The following NRCAM variants were observed in gnomAD, a reference collection of about 807,000 sequenced individuals.
The protein encoded by NRCAM is NgCAM-related cell adhesion molecule.
NRCAM carries 83 observed loss-of-function variants against 156.5 expected under a neutral mutation model. The ratio of observed to expected loss-of-function variants is 0.53; its 90% CI spans 0.44 to 0.64. NRCAM has a LOEUF of 0.64. Among genes scored for constraint, NRCAM ranks in the 30% least tolerant of loss-of-function variants. The pLI, the probability that NRCAM is intolerant of heterozygous loss-of-function variation, is 0.00. For missense variants in NRCAM, 1,417 were observed against 1,597.3 expected (o/e 0.89, Z 1.92); for synonymous variants, 538 against 563.9 (o/e 0.95, Z 0.65).
chr7:108,327,346 A>T (rs1172995801), intron 2 of NRCAM, among the ~76,000 whole-genome samples: 1 of 152,232 alleles, frequency 6.6e-6, no homozygotes, highest in African/African-American at 2.4e-5. Flanking sequence ...ATAAAGCACT[A>T]TATACAAACA....
At chr7:108,438,891 AT>A (rs1183352715) in intron 1 of NRCAM, among the ~76,000 whole-genome samples, 1 of 152,210 alleles carries the variant, frequency 6.6e-6, no homozygotes, top group Non-Finnish European at 1.5e-5. Context: ...ACCACAAAAA[AT>A]AAAATACTTT....
intron 2 of NRCAM, among the ~76,000 whole-genome samples, chr7:108,331,943 G>T (rs141469412): frequency 2.6e-4 from 40 of 152,282 alleles, no homozygotes; most frequent in African/African-American, 9.1e-4. Context: ...TTACCTGGCT[G>T]AACATGAGGT....
chr7:108,315,852 G>C (rs2098911617), intron 2 of NRCAM, among the ~76,000 whole-genome samples: 1 of 152,348 alleles, frequency 6.6e-6, no homozygotes, highest in Non-Finnish European at 1.5e-5. Flanking sequence ...ATCACTCACA[G>C]AAGCATCTGA....
chr7:108,307,618 T>C (rs1180848813), intron 3 of NRCAM, among the ~76,000 whole-genome samples: 1 of 152,218 alleles, frequency 6.6e-6, no homozygotes, highest in Non-Finnish European at 1.5e-5. Flanking sequence ...AAGAGATTTT[T>C]TTCTTTGCCT....
intron 1 of NRCAM, among the ~76,000 whole-genome samples, chr7:108,440,655 G>C (rs1304999817): frequency 6.6e-6 from 1 of 152,174 alleles, no homozygotes; most frequent in African/African-American, 2.4e-5. Flanking sequence ...CTGCTAGGGA[G>C]TGGCTCCATT....
intron 1 of NRCAM, among the ~76,000 whole-genome samples, chr7:108,441,207 T>C (rs1273155092): frequency 6.6e-6 from 1 of 152,220 alleles, no homozygotes; most frequent in Non-Finnish European, 1.5e-5. Context: ...ATAAATTTTT[T>C]TCCTTGAGAA....
chr7:108,375,040 G>A (rs2154348379), intron 2 of NRCAM, among the ~76,000 whole-genome samples: 2 of 152,180 alleles, frequency 1.3e-5, no homozygotes, highest in East Asian at 3.9e-4. Context: ...CAAAGTATCA[G>A]AAAGCTAGAA....
At chr7:108,219,208 T>C (rs900312413) in intron 11 of NRCAM, among the ~76,000 whole-genome samples, 9 of 151,464 alleles carry the variant, frequency 5.9e-5, no homozygotes, top group Admixed American at 2.0e-4. Context: ...AAGATCAAAA[T>C]AGTAATTAAA....
At chr7:108,403,160 A>C (rs1279166038) in intron 1 of NRCAM, among the ~76,000 whole-genome samples, 1 of 152,226 alleles carries the variant, frequency 6.6e-6, no homozygotes, top group Admixed American at 6.5e-5. Context: ...GCTACATTTC[A>C]GACTGACAGT....
intron 3 of NRCAM, among the ~76,000 whole-genome samples, chr7:108,251,118 G>A (rs1036655665): frequency 6.6e-6 from 1 of 151,994 alleles, no homozygotes; most frequent in Non-Finnish European, 1.5e-5. Context: ...TAATTTTCAT[G>A]GGCAATTTTC....
chr7:108,278,428 G>T (rs1285713738), intron 3 of NRCAM, among the ~76,000 whole-genome samples: 1 of 152,126 alleles, frequency 6.6e-6, no homozygotes, highest in Non-Finnish European at 1.5e-5. Context: ...TTGTTTACAC[G>T]GTGAGCACAG....
intron 13 of NRCAM, among the ~76,000 whole-genome samples, chr7:108,206,468 G>T (rs2081211731): frequency 6.6e-6 from 1 of 152,168 alleles, no homozygotes; most frequent in Middle Eastern, 3.2e-3. Context: ...TCATGTTATT[G>T]ACTGGGAGAG....
intron 30 of NRCAM, among the ~76,000 whole-genome samples, chr7:108,162,156 G>A (rs761594907): frequency 2.6e-5 from 4 of 152,208 alleles, no homozygotes; most frequent in Non-Finnish European, 5.9e-5. Flanking sequence ...CCAAGAGTTG[G>A]AGCAACCTGT....
rs1351371380 is a variant in NRCAM, at chr7:108,226,388, G to A, written c.551-10C>T. 6.2e-7 allele frequency: 1 copy of A among 1,605,252 alleles called. No homozygotes were observed. The highest frequency in any genetic ancestry group is 1.7e-5 in the Admixed American group (1 of 59,320). On this transcript the variant is annotated splice_polypyrimidine_tract_variant and intron_variant, in intron 8 of 32. Coordinates refer to ENST00000379028, the MANE Select transcript of NRCAM (RefSeq NM_001037132.4). ...GGAAGTCTTTGAAAGGCTGGAGAAA[G>A]GCAGAGAGATATCAAGATTATTCCA...
chr7:108,170,555 G>C (rs1240195596), intron 28 of NRCAM, among the ~76,000 whole-genome samples: 1 of 152,168 alleles, frequency 6.6e-6, no homozygotes, highest in Non-Finnish European at 1.5e-5. Context: ...GAAACTCCCT[G>C]CTTCGAGTTG....
intron 32 of NRCAM, among the ~76,000 whole-genome samples, chr7:108,157,734 A>G (rs1438155380): frequency 1.3e-5 from 2 of 152,126 alleles, no homozygotes; most frequent in Non-Finnish European, 2.9e-5. Context: ...ATGACCTCAG[A>G]TCATGGTTTC....
intron 17 of NRCAM, 53 bp from the exon 18 acceptor site, chr7:108,191,906 A>C: frequency 1.3e-6 from 2 of 1,549,096 alleles, no homozygotes; most frequent in Admixed American, 1.9e-5. Flanking sequence ...GCCGTACCCT[A>C]TAATTGCTTC....
intron 1 of NRCAM, among the ~76,000 whole-genome samples, chr7:108,432,897 AAGAGAG>A (rs921999074): frequency 2.0e-5 from 3 of 151,702 alleles, no homozygotes; most frequent in South Asian, 2.1e-4. Flanking sequence ...TGAAAAAAGA[AAGAGAG>A]AGAGAGAGAA....
At chr7:108,354,818 C>A (rs1453406693) in intron 2 of NRCAM, among the ~76,000 whole-genome samples, 1 of 151,864 alleles carries the variant, frequency 6.6e-6, no homozygotes, top group East Asian at 1.9e-4. Context: ...CGCTTGAACC[C>A]AGGAGGCAGA....
Sources: allele counts gnomAD v4.1 joint callset (sites outside exome capture counted in the v4.1 genomes callset), GRCh38; gene constraint gnomAD v4.1.1; transcripts MANE v1.5; gene names NCBI Gene and HGNC (gene_info 2026-07-23, HGNC 2026-07-21).